ZNF676: variants seen among roughly 807,000 people sequenced by gnomAD.
The protein encoded by ZNF676 is zinc finger protein 676.
ZNF676 carries 4 observed loss-of-function variants against 6.0 expected under a neutral mutation model. The ratio of observed to expected loss-of-function variants is 0.67; its 90% CI spans 0.33 to 1.53. ZNF676 has a LOEUF of 1.53. ZNF676 is among the 40% of genes most tolerant of loss of function. The pLI is 0.06. For synonymous variants in ZNF676, 198 were observed against 223.1 expected (o/e 0.89, Z 1.00); for missense variants, 644 against 679.7 (o/e 0.95, Z 0.58).
chr19:22,197,311 T>C (rs2023977518), upstream of ZNF676, among the ~76,000 whole-genome samples: 1 of 136,204 alleles, frequency 7.3e-6, no homozygotes, highest in Non-Finnish European at 1.6e-5. Flanking sequence ...AGAGTGAAAC[T>C]CCATCTCAAA....
At chr19:22,234,650 G>A in the ZNF676 span, among the ~76,000 whole-genome samples, 1 of 152,090 alleles carries the variant, frequency 6.6e-6, no homozygotes, top group East Asian at 1.9e-4. Flanking sequence ...AATCCTAGAG[G>A]CTGCCAGGTG....
chr19:22,216,229 G>A (rs1370024341), upstream of ZNF676, among the ~76,000 whole-genome samples: 5 of 152,182 alleles, frequency 3.3e-5, no homozygotes, highest in Non-Finnish European at 7.3e-5. Flanking sequence ...GAGGTCAGAA[G>A]TTCAAGATCA....
At chr19:22,200,797 T>C (rs2144787703), upstream of ZNF676, among the ~76,000 whole-genome samples, 1 of 152,224 alleles carries the variant, frequency 6.6e-6, no homozygotes, top group South Asian at 2.1e-4. Context: ...TGATCCACCA[T>C]CTTGGCTTCC....
intron 1 of ZNF676, among the ~76,000 whole-genome samples, chr19:22,194,888 A>G (rs1334656038): frequency 2.0e-5 from 3 of 152,150 alleles, no homozygotes; most frequent in Non-Finnish European, 4.4e-5. Context: ...AGTCAGAGAA[A>G]GAATTACATT....
upstream of ZNF676, chr19:22,197,031 C>G (rs62112447): frequency 0.18 from 47,400 of 261,204 alleles, 5,130 homozygotes; most frequent in Middle Eastern, 0.24. Flanking sequence ...TTACATCATA[C>G]AGAATTGTGT....
intron 1 of ZNF676, among the ~76,000 whole-genome samples, chr19:22,214,927 G>GC (rs2024167286): frequency 6.6e-6 from 1 of 150,818 alleles, no homozygotes. Flanking sequence ...TGCAGTCGCA[G>GC]CTACTCGGGA....
At chr19:22,243,132 G>A in the ZNF676 span, 1 of 151,866 alleles carries the variant, frequency 6.6e-6, no homozygotes, top group Non-Finnish European at 1.5e-5. Flanking sequence ...TCTCTTTTGT[G>A]GGAAAAGACA....
intron 1 of ZNF676, among the ~76,000 whole-genome samples, chr19:22,214,181 G>A (rs1265960426): frequency 6.6e-6 from 1 of 152,178 alleles, no homozygotes; most frequent in Non-Finnish European, 1.5e-5. Flanking sequence ...GAGAAATAGG[G>A]GGTGGCAGAT....
At chr19:22,241,948 G>A in the ZNF676 span, among the ~76,000 whole-genome samples, 3 of 151,812 alleles carry the variant, frequency 2.0e-5, no homozygotes, top group Non-Finnish European at 4.4e-5. Context: ...TTGGTGGGGT[G>A]TGCACACAAG....
the ZNF676 span, among the ~76,000 whole-genome samples, chr19:22,221,457 A>C: frequency 1.3e-5 from 2 of 152,116 alleles, no homozygotes; most frequent in Admixed American, 6.6e-5. Context: ...TAATATTCTT[A>C]AATTTATTCA....
At chr19:22,185,954 T>A (rs1011593911) in intron 2 of ZNF676, among the ~76,000 whole-genome samples, 2 of 152,074 alleles carry the variant, frequency 1.3e-5, no homozygotes, top group African/African-American at 4.8e-5. Context: ...AGGAAAACAC[T>A]CTTCAGGATA....
At chr19:22,219,192 A>T (rs2024224629), upstream of ZNF676, among the ~76,000 whole-genome samples, 1 of 151,340 alleles carries the variant, frequency 6.6e-6, no homozygotes, top group South Asian at 2.1e-4. Flanking sequence ...TCTGCATCCC[A>T]GGTTCAAGTG....
upstream of ZNF676, among the ~76,000 whole-genome samples, chr19:22,197,847 G>A (rs1392513623): frequency 3.3e-5 from 5 of 152,218 alleles, no homozygotes; most frequent in East Asian, 9.7e-4. Context: ...TTAATGTCCT[G>A]ATGTACCCAG....
chr19:22,250,227 T>C, the ZNF676 span, among the ~76,000 whole-genome samples: 3 of 151,868 alleles, frequency 2.0e-5, no homozygotes, highest in African/African-American at 7.2e-5. Context: ...AATAGTACAC[T>C]AATTCATACG....
chr19:22,206,975 A>C (rs2024083182), intron 1 of ZNF676, among the ~76,000 whole-genome samples: 1 of 152,220 alleles, frequency 6.6e-6, no homozygotes, highest in Non-Finnish European at 1.5e-5. Context: ...TGACAAATCC[A>C]CAGCCAAAAT....
chr19:22,232,159 T>A, the ZNF676 span, among the ~76,000 whole-genome samples: 5 of 151,712 alleles, frequency 3.3e-5, no homozygotes, highest in Admixed American at 6.6e-5. Flanking sequence ...CAATAGCATA[T>A]TTCTTTTCTT....
chr19:22,246,878 G>C, the ZNF676 span, among the ~76,000 whole-genome samples: 3 of 152,222 alleles, frequency 2.0e-5, no homozygotes, highest in Non-Finnish European at 4.4e-5. Context: ...GCCAATTTAA[G>C]AGACAAGAAT....
At chr19:22,253,366 GTGTGTGTATA>G in the ZNF676 span, among the ~76,000 whole-genome samples, 5 of 63,718 alleles carry the variant, frequency 7.8e-5, no homozygotes, top group African/African-American at 1.8e-4. Context: ...GTGTGTGTGT[GTGTGTGTATA>G]TATATATATA....
chr19:22,223,165 G>A, the ZNF676 span, among the ~76,000 whole-genome samples: 4 of 152,144 alleles, frequency 2.6e-5, no homozygotes, highest in Non-Finnish European at 2.9e-5. Flanking sequence ...AGCAAGTTGA[G>A]TTGGCTATTT....
Sources: gnomAD v4.1 joint callset for allele counts (sites outside exome capture counted in the v4.1 genomes callset) on GRCh38, gnomAD v4.1.1 for gene constraint, MANE v1.5 for transcripts, NCBI Gene and HGNC (gene_info 2026-07-23, HGNC 2026-07-21) for gene names.